TRAPPC9: variants seen among roughly 807,000 people sequenced by gnomAD.
TRAPPC9 encodes IKK2 binding protein.
A neutral mutation model predicts 124.0 loss-of-function variants in TRAPPC9; 83 were observed. The observed-to-expected ratio is 0.67, with a 90% CI of 0.56 to 0.80. The LOEUF is 0.80. Among genes scored for constraint, TRAPPC9 ranks in the 30% least tolerant of loss-of-function variants. The pLI, the probability that TRAPPC9 is intolerant of heterozygous loss-of-function variation, is 0.00. For missense variants in TRAPPC9, 1,302 were observed against 1,508.3 expected (o/e 0.86, Z 2.27); for synonymous variants, 638 against 617.5 (o/e 1.03, Z -0.49).
intron 5 of TRAPPC9, among the ~76,000 whole-genome samples, chr8:140,406,926 C>A (rs73356477): frequency 7.2e-5 from 11 of 152,302 alleles, no homozygotes; most frequent in African/African-American, 2.2e-4. Context: ...CAAATCAGCA[C>A]GACCCGGTGA....
intron 10 of TRAPPC9, among the ~76,000 whole-genome samples, chr8:140,307,001 T>C (rs555974938): frequency 6.6e-6 from 1 of 152,220 alleles, no homozygotes; most frequent in Admixed American, 6.5e-5. Context: ...CAGCTATTCG[T>C]AGGTTTTGCT....
chr8:140,211,014 T>A (rs1244257042), intron 17 of TRAPPC9, among the ~76,000 whole-genome samples: 1 of 150,016 alleles, frequency 6.7e-6, no homozygotes, highest in Non-Finnish European at 1.5e-5. Flanking sequence ...ATCCTAGGGT[T>A]TTTTTTTTTT....
chr8:140,224,566 G>T (rs540796355), intron 16 of TRAPPC9, among the ~76,000 whole-genome samples: 4 of 152,294 alleles, frequency 2.6e-5, no homozygotes, highest in African/African-American at 9.6e-5. Flanking sequence ...AGGGTAGACC[G>T]TAAATAAAGC....
chr8:140,388,584 G>A (rs899708411), intron 7 of TRAPPC9, among the ~76,000 whole-genome samples: 4 of 152,116 alleles, frequency 2.6e-5, no homozygotes, highest in African/African-American at 9.7e-5. Flanking sequence ...TCAGGAGGCT[G>A]AGGCAGAAGA....
intron 21 of TRAPPC9, among the ~76,000 whole-genome samples, chr8:139,885,492 T>G (rs1829945146): frequency 6.6e-6 from 1 of 152,126 alleles, no homozygotes; most frequent in South Asian, 2.1e-4. Context: ...CAAGCCACTC[T>G]CAGTTCTGGA....
intron 21 of TRAPPC9, among the ~76,000 whole-genome samples, chr8:139,787,864 T>A (rs534612168): frequency 2.0e-5 from 3 of 152,214 alleles, no homozygotes; most frequent in Admixed American, 2.0e-4. Flanking sequence ...GGCCTCCAGA[T>A]GTGTCCTGGG....
In TRAPPC9 at chr8:140,353,944, G is replaced by A. The variant is rs887944118; in HGVS notation, c.1495+6106C>T. On this transcript the variant is annotated intron_variant, in intron 9 of 22. Coordinates refer to ENST00000438773, the MANE Select transcript of TRAPPC9 (RefSeq NM_001160372.4). The surrounding 1 kb of genome is among the most constrained non-coding windows in gnomAD (Gnocchi z 4.2). ...GCCCAGCATGCTGGAAGCTCTGACAGCGGCAGGCACAGGGCACGGGGAGCT... is the reference window on the plus strand; with the variant it reads ...GCCCAGCATGCTGGAAGCTCTGACAACGGCAGGCACAGGGCACGGGGAGCT... 2.0e-5 allele frequency among the ~76,000 whole-genome samples: 3 copies of A among 152,234 alleles called. No homozygotes were observed. The highest frequency in any genetic ancestry group is 4.4e-5 in the Non-Finnish European group (3 of 68,026).
intron 15 of TRAPPC9, among the ~76,000 whole-genome samples, chr8:140,269,239 A>T (rs904363117): frequency 4.6e-5 from 4 of 86,430 alleles, no homozygotes; most frequent in Non-Finnish European, 9.5e-5. Flanking sequence ...AAACTGCATT[A>T]AAAAAAAATA....
intron 9 of TRAPPC9, among the ~76,000 whole-genome samples, chr8:140,326,299 T>C (rs144455203): frequency 0.015 from 2,259 of 152,124 alleles, 30 homozygotes; most frequent in Non-Finnish European, 0.024. Context: ...AGTCATTACT[T>C]TTTGGGGAAC....
intron 21 of TRAPPC9, among the ~76,000 whole-genome samples, chr8:139,873,724 G>A (rs920352648): frequency 3.0e-4 from 46 of 152,340 alleles, no homozygotes; most frequent in African/African-American, 8.9e-4. Flanking sequence ...CAGGGGCTGG[G>A]AGGACAATTC....
intron 19 of TRAPPC9, among the ~76,000 whole-genome samples, chr8:139,969,906 G>A (rs1190762201): frequency 2.0e-5 from 3 of 152,182 alleles, no homozygotes; most frequent in Non-Finnish European, 2.9e-5. Flanking sequence ...TGGTTTTGCC[G>A]CCAACAGTTC....
At chr8:139,819,949 A>G (rs1461182912) in intron 21 of TRAPPC9, among the ~76,000 whole-genome samples, 1 of 139,874 alleles carries the variant, frequency 7.1e-6, no homozygotes, top group African/African-American at 2.6e-5. Flanking sequence ...CAGAGGTTGC[A>G]GTGAGCCAAG....
chr8:140,001,300 G>A (rs1039449823), intron 18 of TRAPPC9, among the ~76,000 whole-genome samples: 3 of 151,930 alleles, frequency 2.0e-5, no homozygotes, highest in Non-Finnish European at 4.4e-5. Context: ...ATGACGAGTT[G>A]ATGGGTGCAG....
At chr8:139,898,032 G>A (rs1357413811) in intron 20 of TRAPPC9, among the ~76,000 whole-genome samples, 1 of 152,248 alleles carries the variant, frequency 6.6e-6, no homozygotes, top group Admixed American at 6.5e-5. Context: ...TGTGCTCTGT[G>A]TTATTGGCTT....
intron 17 of TRAPPC9, among the ~76,000 whole-genome samples, chr8:140,190,467 G>GCAACAACAA (rs61020459): frequency 6.6e-6 from 1 of 151,704 alleles, no homozygotes; most frequent in Non-Finnish European, 1.5e-5. Flanking sequence ...CAAAAGAGCA[G>GCAACAACAA]CAACAACAAC....
intron 21 of TRAPPC9, among the ~76,000 whole-genome samples, chr8:139,834,268 C>A (rs1826183672): frequency 6.6e-6 from 1 of 152,210 alleles, no homozygotes; most frequent in African/African-American, 2.4e-5. Context: ...GGTATTCTTG[C>A]ATGATGGTGC....
chr8:139,944,951 T>C (rs554140592), intron 19 of TRAPPC9, among the ~76,000 whole-genome samples: 1 of 152,154 alleles, frequency 6.6e-6, no homozygotes, highest in African/African-American at 2.4e-5. Context: ...GGCGAAACCC[T>C]GTCTCTACTA....
intron 17 of TRAPPC9, among the ~76,000 whole-genome samples, chr8:140,068,482 CCT>C (rs1038189291): frequency 6.6e-6 from 1 of 152,082 alleles, no homozygotes; most frequent in African/African-American, 2.4e-5. Context: ...TTGGAGGGGA[CCT>C]TCACTCAGGA....
At chr8:140,206,756 C>CATATATATATATATATATATATATATAT (rs150660269) in intron 17 of TRAPPC9, among the ~76,000 whole-genome samples, 2 of 145,832 alleles carry the variant, frequency 1.4e-5, no homozygotes, top group African/African-American at 5.2e-5. Context: ...CATATACATA[C>CATATATATATATATATATATATATATAT]ATATATATAT....
Sources: allele counts gnomAD v4.1 joint callset (sites outside exome capture counted in the v4.1 genomes callset), GRCh38; gene constraint gnomAD v4.1.1; non-coding constraint Gnocchi (gnomAD v3.1); transcripts MANE v1.5; gene names NCBI Gene and HGNC (gene_info 2026-07-23, HGNC 2026-07-21).